Variants in BBX observed in about 807,000 individuals in gnomAD.
BBX encodes HMG box transcription factor BBX.
A neutral mutation model predicts 100.2 loss-of-function variants in BBX; 30 were observed. That is an observed-to-expected ratio of 0.30 (90% confidence interval 0.22 to 0.41). The LOEUF is 0.41. BBX is among the 10% of genes least tolerant of loss of function. The pLI is 1.00. For missense variants in BBX, 1,023 were observed against 1,129.8 expected (o/e 0.91, Z 1.35); for synonymous variants, 376 against 388.1 (o/e 0.97, Z 0.37).
chr3:107,626,001 G>A (rs2056144396), intron 2 of BBX, among the ~76,000 whole-genome samples: 1 of 151,962 alleles, frequency 6.6e-6, no homozygotes, highest in Non-Finnish European at 1.5e-5. Flanking sequence ...TGAAAAAAGG[G>A]GATTTTCACT....
intron 2 of BBX, among the ~76,000 whole-genome samples, chr3:107,555,055 C>T (rs1330720370): frequency 1.3e-5 from 2 of 151,316 alleles, no homozygotes; most frequent in Non-Finnish European, 2.9e-5. Context: ...GCAACAAGAG[C>T]GAAACTCCGT....
At chr3:107,783,001 A>G (rs1437611171) in intron 13 of BBX, among the ~76,000 whole-genome samples, 1 of 152,080 alleles carries the variant, frequency 6.6e-6, no homozygotes, top group Non-Finnish European at 1.5e-5. Context: ...ACTTTCTACC[A>G]TTCTTCCTCC....
chr3:107,725,355 T>C (rs948856123), intron 5 of BBX, among the ~76,000 whole-genome samples: 28 of 152,148 alleles, frequency 1.8e-4, no homozygotes, highest in African/African-American at 4.1e-4. Context: ...CATCTGCAAA[T>C]AGGGACAATT....
intron 2 of BBX, among the ~76,000 whole-genome samples, chr3:107,575,432 G>A (rs1204760063): frequency 6.6e-6 from 1 of 152,050 alleles, no homozygotes; most frequent in Non-Finnish European, 1.5e-5. Flanking sequence ...TTAATAAGAT[G>A]TTTTTGGACT....
At chr3:107,799,313 A>G (rs1013521474) in intron 16 of BBX, among the ~76,000 whole-genome samples, 1 of 152,198 alleles carries the variant, frequency 6.6e-6, no homozygotes, top group African/African-American at 2.4e-5. Flanking sequence ...GAGCAAGCAG[A>G]TGACCACCAT....
chr3:107,596,042 G>T (rs1043036167), intron 2 of BBX, among the ~76,000 whole-genome samples: 2 of 151,982 alleles, frequency 1.3e-5, no homozygotes, highest in Non-Finnish European at 2.9e-5. Context: ...ACAAATTGTC[G>T]CAAATCTCCA....
intron 12 of BBX, 108 bp downstream of exon 12, chr3:107,774,965 G>A (rs936618789): frequency 1.7e-5 from 22 of 1,309,932 alleles, no homozygotes; most frequent in African/African-American, 6.0e-5. Context: ...TTGACTACTC[G>A]CTCAGGACTT....
chr3:107,741,224 A>G (rs1303692701), intron 7 of BBX, among the ~76,000 whole-genome samples: 2 of 152,034 alleles, frequency 1.3e-5, no homozygotes, highest in Admixed American at 1.3e-4. Context: ...CTAGCTTTCC[A>G]CACTACTCAC....
At chr3:107,801,321 C>A (rs2108034759) in intron 17 of BBX, 40 bp downstream of exon 17, 2 of 1,590,534 alleles carry the variant, frequency 1.3e-6, no homozygotes, top group East Asian at 4.5e-5. Context: ...AACATGGAAA[C>A]CAGATCAACC....
intron 2 of BBX, among the ~76,000 whole-genome samples, chr3:107,639,499 G>A (rs566032382): frequency 3.1e-4 from 47 of 152,292 alleles, no homozygotes; most frequent in African/African-American, 1.1e-3. Flanking sequence ...CTTCCCTGTC[G>A]TTATTCCTGA....
intron 3 of BBX, among the ~76,000 whole-genome samples, chr3:107,654,518 C>G (rs2058025920): frequency 6.6e-6 from 1 of 151,822 alleles, no homozygotes. Flanking sequence ...TATTTTAGAA[C>G]TTTTACTTTC....
chr3:107,783,223 A>C (rs2068079202), intron 13 of BBX, among the ~76,000 whole-genome samples: 1 of 151,866 alleles, frequency 6.6e-6, no homozygotes, highest in Non-Finnish European at 1.5e-5. Flanking sequence ...AATCTTATCT[A>C]TTTGTTTTCG....
intron 3 of BBX, among the ~76,000 whole-genome samples, chr3:107,674,335 C>G (rs998216757): frequency 6.6e-6 from 1 of 152,064 alleles, no homozygotes; most frequent in Non-Finnish European, 1.5e-5. Context: ...ATTCCTAAGT[C>G]ATTGTCTCAC....
intron 3 of BBX, among the ~76,000 whole-genome samples, chr3:107,683,068 G>T (rs2059653961): frequency 1.3e-5 from 2 of 152,120 alleles, no homozygotes; most frequent in African/African-American, 4.8e-5. Flanking sequence ...CTCCATATCT[G>T]TTGTGAACAT....
intron 3 of BBX, among the ~76,000 whole-genome samples, chr3:107,653,967 A>G (rs1281326265): frequency 6.6e-6 from 1 of 152,212 alleles, no homozygotes; most frequent in East Asian, 1.9e-4. Context: ...CTGTCCATGC[A>G]GGTAGCACCT....
At chr3:107,563,913 T>A (rs961694323) in intron 2 of BBX, among the ~76,000 whole-genome samples, 3 of 152,198 alleles carry the variant, frequency 2.0e-5, no homozygotes, top group African/African-American at 7.2e-5. Flanking sequence ...CCAGCCCATA[T>A]CCACCAACTC....
rs1482544674 is a variant in BBX, at chr3:107,611,494, C to G, written c.-83-34342C>G. Among the ~76,000 whole-genome samples the G allele has an allele frequency of 2.6e-5, 4 of 152,124 alleles. No homozygotes were observed. The East Asian group carries it at 7.7e-4, about 29-fold the overall frequency. On this transcript the variant is annotated intron_variant, in intron 2 of 17. Coordinates refer to ENST00000325805, the MANE Select transcript of BBX (RefSeq NM_001142568.3). ...TCCTTTATGATTGAAGGATTATTTT[C>G]ACCAGATATACTATTCTAGTGTAAA...
chr3:107,729,619 T>G (rs1373222255), intron 6 of BBX, among the ~76,000 whole-genome samples: 1 of 152,222 alleles, frequency 6.6e-6, no homozygotes, highest in Non-Finnish European at 1.5e-5. Flanking sequence ...GGGCTCTGTC[T>G]TTCTTAGCTA....
At chr3:107,525,181 C>T (rs567546664) in intron 1 of BBX, among the ~76,000 whole-genome samples, 6 of 149,606 alleles carry the variant, frequency 4.0e-5, no homozygotes, top group South Asian at 2.1e-4. Flanking sequence ...CGCGGCCACC[C>T]CGGGTCCGGC....
Sources: allele counts gnomAD v4.1 joint callset (sites outside exome capture counted in the v4.1 genomes callset), GRCh38; gene constraint gnomAD v4.1.1; transcripts MANE v1.5; gene names NCBI Gene and HGNC (gene_info 2026-07-23, HGNC 2026-07-21).